Variants in ABLIM1 observed in about 807,000 individuals in gnomAD.
The protein encoded by ABLIM1 is actin-binding LIM protein 1.
ABLIM1 carries 40 observed loss-of-function variants against 107.0 expected under a neutral mutation model. The observed-to-expected ratio is 0.37, with a 90% confidence interval of 0.29 to 0.49. The LOEUF (loss-of-function observed/expected upper bound fraction) is 0.49, where lower values mean the gene tolerates loss of function less well. Ranked by LOEUF, ABLIM1 falls within the 20% of genes least tolerant of loss-of-function variation. ABLIM1 has a pLI of 0.97. For missense variants in ABLIM1, 857 were observed against 1,008.5 expected, an observed-to-expected ratio of 0.85 and a Z score of 2.04; for synonymous variants, 357 against 357.3, an observed-to-expected ratio of 1.00 and a Z score of 0.01.
chr10:114,652,970 G>C (rs79783987), intron 1 of ABLIM1, among the ~76,000 whole-genome samples: 1 of 152,142 alleles, frequency 6.6e-6, no homozygotes, highest in Non-Finnish European at 1.5e-5. Context: ...GCTGAAGTAC[G>C]TAATTAGCAA....
chr10:114,776,465 T>C, the ABLIM1 span, among the ~76,000 whole-genome samples: 1 of 151,336 alleles, frequency 6.6e-6, no homozygotes, highest in African/African-American at 2.4e-5. Context: ...ATACAAAAAT[T>C]AGCCGGGTGT....
intron 1 of ABLIM1, among the ~76,000 whole-genome samples, chr10:114,750,093 G>A (rs953420752): frequency 2.0e-5 from 3 of 152,090 alleles, no homozygotes; most frequent in African/African-American, 7.2e-5. Context: ...AAAATCTGTT[G>A]TGTGCACTGC....
At chr10:114,506,604 T>C (rs1227512849) in intron 6 of ABLIM1, among the ~76,000 whole-genome samples, 2 of 152,200 alleles carry the variant, frequency 1.3e-5, no homozygotes, top group African/African-American at 2.4e-5. Context: ...ATTTCTCTAA[T>C]GATTAGTGAT....
At chr10:114,684,475 T>G in exon 1 of ABLIM1, 1 of 1,476,742 alleles carries the variant, frequency 6.8e-7, no homozygotes, top group Non-Finnish European at 9.0e-7. Flanking sequence ...TGGGCTGAAC[T>G]GGACCCGAGG....
At chr10:114,482,590 A>G (rs1307138417) in intron 8 of ABLIM1, among the ~76,000 whole-genome samples, 1 of 152,212 alleles carries the variant, frequency 6.6e-6, no homozygotes, top group Non-Finnish European at 1.5e-5. Flanking sequence ...TCAATCGCCA[A>G]CGGGTGAAGG....
At chr10:114,713,876 A>T (rs923271797) in intron 1 of ABLIM1, among the ~76,000 whole-genome samples, 2 of 152,224 alleles carry the variant, frequency 1.3e-5, no homozygotes, top group African/African-American at 2.4e-5. Context: ...TTTACACAAC[A>T]GATTGAATGG....
intron 19 of ABLIM1, 48 bp from the exon 20 acceptor site, chr10:114,440,137 A>G (rs372190809): frequency 1.3e-6 from 2 of 1,557,716 alleles, no homozygotes; most frequent in Non-Finnish European, 1.8e-6. Flanking sequence ...GACCATGGAA[A>G]AGCAAGGAAC....
chr10:114,601,003 T>C (rs983404836), intron 2 of ABLIM1, among the ~76,000 whole-genome samples: 1 of 151,668 alleles, frequency 6.6e-6, no homozygotes, highest in Non-Finnish European at 1.5e-5. Flanking sequence ...GGTCTTTTTC[T>C]GCTTAGAGGT....
intron 6 of ABLIM1, among the ~76,000 whole-genome samples, chr10:114,528,090 C>A (rs1260257870): frequency 1.3e-5 from 2 of 152,168 alleles, no homozygotes; most frequent in African/African-American, 4.8e-5. Flanking sequence ...CCCGCCTCAG[C>A]CTCCCAAAGT....
Position 114,498,216 on chromosome 10 carries a change from G to C in ABLIM1, c.895-6338C>G, listed in dbSNP as rs76736301. On this transcript the variant is annotated intron_variant, in intron 6 of 22. Transcript: ENST00000533213. ...ACATCTCAAAAATGCAAAGGGCCGG[G>C]CTAGACAATTTCAAGTCCTCTTCAG... 1.0e-3 allele frequency among the ~76,000 whole-genome samples: 152 copies of C among 152,236 alleles called. 1 individual carries two copies. In the East Asian group the frequency reaches 0.023, roughly 23 times the overall value.
chr10:114,542,487 T>A (rs986158756), intron 6 of ABLIM1, among the ~76,000 whole-genome samples: 367 of 96,532 alleles, frequency 3.8e-3, no homozygotes, highest in South Asian at 5.3e-3. Context: ...GGAAGAAAGA[T>A]GAAAGAAGAA....
At chr10:114,768,237 G>A (rs1214785483), upstream of ABLIM1, among the ~76,000 whole-genome samples, 1 of 148,022 alleles carries the variant, frequency 6.8e-6, no homozygotes, top group Non-Finnish European at 1.5e-5. Context: ...CAGCAAGGCC[G>A]ACGGGCGGGG....
At chr10:114,675,927 A>C (rs1371534258) in intron 1 of ABLIM1, among the ~76,000 whole-genome samples, 2 of 152,108 alleles carry the variant, frequency 1.3e-5, no homozygotes, top group African/African-American at 4.8e-5. Context: ...ATGCATGTCC[A>C]TCTCTGCATC....
the ABLIM1 span, among the ~76,000 whole-genome samples, chr10:114,791,782 CCAAT>C: frequency 6.6e-6 from 1 of 152,008 alleles, no homozygotes; most frequent in East Asian, 1.9e-4. Context: ...CATGAAGACC[CCAAT>C]CAGAGAAATG....
At chr10:114,716,293 C>T (rs1287986851) in intron 1 of ABLIM1, among the ~76,000 whole-genome samples, 1 of 152,096 alleles carries the variant, frequency 6.6e-6, no homozygotes, top group Non-Finnish European at 1.5e-5. Flanking sequence ...TCTTTTGCGG[C>T]CAGTGTTTCT....
At chr10:114,728,351 A>G (rs958890957) in intron 1 of ABLIM1, among the ~76,000 whole-genome samples, 5 of 152,148 alleles carry the variant, frequency 3.3e-5, no homozygotes, top group African/African-American at 1.2e-4. Flanking sequence ...CCGAAACCCC[A>G]ATAGTTCCTC....
chr10:114,684,316 G>A (rs2080872188), exon 1 of ABLIM1: 1 of 1,613,994 alleles, frequency 6.2e-7, no homozygotes, highest in South Asian at 1.1e-5. Flanking sequence ...GGTGTGATGA[G>A]GGTCCGTGAG....
intron 21 of ABLIM1, among the ~76,000 whole-genome samples, chr10:114,438,408 T>G (rs544461133): frequency 6.6e-6 from 1 of 152,226 alleles, no homozygotes; most frequent in South Asian, 2.1e-4. Flanking sequence ...TATAGGCACA[T>G]GTCGTCATGC....
chr10:114,789,652 G>T, the ABLIM1 span, among the ~76,000 whole-genome samples: 2 of 152,032 alleles, frequency 1.3e-5, no homozygotes, highest in Non-Finnish European at 2.9e-5. Context: ...TTGTAGTTTT[G>T]ATTTACATTG....
Sources: allele counts gnomAD v4.1 joint callset (sites outside exome capture counted in the v4.1 genomes callset), GRCh38; gene constraint gnomAD v4.1.1; transcripts MANE v1.5; gene names NCBI Gene and HGNC (gene_info 2026-07-23, HGNC 2026-07-21).